The following KLF13 variants were observed in gnomAD, a reference collection of about 807,000 sequenced individuals.
The protein encoded by KLF13 is Krueppel-like factor 13.
A neutral mutation model predicts 16.7 loss-of-function variants in KLF13; 8 were observed. The observed-to-expected ratio is 0.48, with a 90% CI of 0.28 to 0.87. The LOEUF is 0.87. KLF13 is among the 40% of genes least tolerant of loss of function. The pLI is 0.10. For synonymous variants in KLF13, 245 were observed against 208.4 expected, an observed-to-expected ratio of 1.18 and a Z score of -1.51; for missense variants, 447 against 452.2, an observed-to-expected ratio of 0.99 and a Z score of 0.10.
intron 1 of KLF13, among the ~76,000 whole-genome samples, chr15:31,433,309 T>C (rs1040366148): frequency 5.3e-5 from 8 of 152,292 alleles, no homozygotes; most frequent in Middle Eastern, 6.8e-3. Flanking sequence ...TGCGGTGGCT[T>C]TTCCCTGGCC....
chr15:31,421,728 AC>A (rs2040326816), intron 1 of KLF13, among the ~76,000 whole-genome samples: 1 of 152,212 alleles, frequency 6.6e-6, no homozygotes, highest in Non-Finnish European at 1.5e-5. Context: ...AGGAAAAGGG[AC>A]AAAATAACTG....
chr15:31,330,524 G>A (rs563153613), intron 1 of KLF13, among the ~76,000 whole-genome samples: 28 of 152,344 alleles, frequency 1.8e-4, no homozygotes, highest in African/African-American at 6.5e-4. Context: ...GGGACATGAG[G>A]TCAAGTATGT....
At chr15:31,399,187 C>T (rs2039998846) in intron 2 of KLF13, among the ~76,000 whole-genome samples, 2 of 152,186 alleles carry the variant, frequency 1.3e-5, no homozygotes, top group South Asian at 4.1e-4. Context: ...GGGGGCAACC[C>T]ACATGGCAGG....
intron 1 of KLF13, among the ~76,000 whole-genome samples, chr15:31,338,722 C>T (rs2038973463): frequency 1.3e-5 from 2 of 152,132 alleles, no homozygotes. Context: ...CTCTGCAAAC[C>T]AGGGGGGCCA....
intron 1 of KLF13, among the ~76,000 whole-genome samples, chr15:31,349,394 G>A (rs902235263): frequency 2.0e-5 from 3 of 152,230 alleles, no homozygotes; most frequent in Admixed American, 1.3e-4. Flanking sequence ...CATGGGAGGC[G>A]GGTGCCCTGT....
At chr15:31,414,024 A>G (rs2040227729) in intron 1 of KLF13, among the ~76,000 whole-genome samples, 1 of 152,218 alleles carries the variant, frequency 6.6e-6, no homozygotes. Flanking sequence ...ATAACAATGT[A>G]TCATTGAGTT....
intron 1 of KLF13, among the ~76,000 whole-genome samples, chr15:31,349,925 C>T (rs2039189939): frequency 6.6e-6 from 1 of 152,222 alleles, no homozygotes; most frequent in South Asian, 2.1e-4. Flanking sequence ...TATAAAGTAA[C>T]CAGCCATGTG....
At chr15:31,418,219 T>C (rs917966492) in intron 1 of KLF13, among the ~76,000 whole-genome samples, 2 of 152,198 alleles carry the variant, frequency 1.3e-5, no homozygotes, top group Non-Finnish European at 2.9e-5. Flanking sequence ...AGTTGTACTT[T>C]AGAGGATTTT....
At chr15:31,357,669 C>T (rs1321373812) in intron 1 of KLF13, among the ~76,000 whole-genome samples, 2 of 152,122 alleles carry the variant, frequency 1.3e-5, no homozygotes, top group South Asian at 4.1e-4. Flanking sequence ...GTCCAGAGCT[C>T]CCTCCTGTGT....
intron 1 of KLF13, among the ~76,000 whole-genome samples, chr15:31,411,402 T>TTC (rs2040191874): frequency 6.7e-6 from 1 of 148,238 alleles, no homozygotes; most frequent in African/African-American, 2.5e-5. Flanking sequence ...TTTTTTTTCT[T>TTC]TTTTTTTTTT....
intron 1 of KLF13, among the ~76,000 whole-genome samples, chr15:31,385,084 C>T (rs1240923954): frequency 6.6e-6 from 1 of 152,166 alleles, no homozygotes; most frequent in African/African-American, 2.4e-5. Context: ...CTCTCATCCA[C>T]ATGAGGATAT....
chr15:31,340,299 C>T (rs541000906), intron 1 of KLF13, among the ~76,000 whole-genome samples: 1 of 152,344 alleles, frequency 6.6e-6, no homozygotes, highest in African/African-American at 2.4e-5. Context: ...GAGCTCAGCA[C>T]CAAAAAAGAT....
At chr15:31,421,840 G>A (rs75556751) in intron 1 of KLF13, among the ~76,000 whole-genome samples, 25 of 152,092 alleles carry the variant, frequency 1.6e-4, no homozygotes, top group African/African-American at 5.3e-4. Flanking sequence ...CTGGCCGAGC[G>A]CGGTGGCTCA....
At chr15:31,396,343 G>C (rs2039951971) in intron 2 of KLF13, among the ~76,000 whole-genome samples, 1 of 151,166 alleles carries the variant, frequency 6.6e-6, no homozygotes, top group African/African-American at 2.4e-5. Flanking sequence ...ATTTTTAGTA[G>C]AGACAGGGTT....
At chr15:31,382,687 G>A (rs571657623), downstream of KLF13, among the ~76,000 whole-genome samples, 33 of 152,302 alleles carry the variant, frequency 2.2e-4, no homozygotes, top group Non-Finnish European at 4.6e-4. Flanking sequence ...TGCCCTCAGG[G>A]GGGCCCAGTC....
chr15:31,335,121 G>C (rs971534660), intron 1 of KLF13, among the ~76,000 whole-genome samples: 1 of 152,126 alleles, frequency 6.6e-6, no homozygotes, highest in Non-Finnish European at 1.5e-5. Flanking sequence ...GCTCATGCTT[G>C]CTGAATGGGG....
intron 1 of KLF13, among the ~76,000 whole-genome samples, chr15:31,367,461 C>T (rs1221965823): frequency 6.6e-6 from 1 of 152,184 alleles, no homozygotes; most frequent in Non-Finnish European, 1.5e-5. Flanking sequence ...CACCCACCTT[C>T]CTCCACTCCA....
At chr15:31,338,419 G>A (rs189154559) in intron 1 of KLF13, among the ~76,000 whole-genome samples, 12 of 152,326 alleles carry the variant, frequency 7.9e-5, no homozygotes, top group South Asian at 2.1e-4. Context: ...CAGAACAATC[G>A]TTCCACTGGA....
intron 1 of KLF13, chr15:31,420,118 AG>A (rs1342688249): frequency 7.5e-6 from 3 of 397,804 alleles, no homozygotes; most frequent in Admixed American, 7.2e-5. Flanking sequence ...ATGAAGGAGA[AG>A]GCAGCCAAGT....
Sources: gnomAD v4.1 joint callset for allele counts (sites outside exome capture counted in the v4.1 genomes callset) on GRCh38, gnomAD v4.1.1 for gene constraint, MANE v1.5 for transcripts, NCBI Gene and HGNC (gene_info 2026-07-23, HGNC 2026-07-21) for gene names.